PCDH15: variants seen among roughly 807,000 people sequenced by gnomAD.
PCDH15 encodes protocadherin related 15.
PCDH15 carries 129 observed loss-of-function variants against 178.5 expected under a neutral mutation model. That is an observed-to-expected ratio of 0.72 (90% CI 0.63 to 0.84). The LOEUF is 0.84. Among genes scored for constraint, PCDH15 ranks in the 40% least tolerant of loss-of-function variants. The probability of loss-of-function intolerance (pLI) is 0.00; values close to 1 mark genes in which losing one functional copy is unlikely to be tolerated. For missense variants in PCDH15, 2,230 were observed against 2,099.9 expected, an observed-to-expected ratio of 1.06 and a Z score of -1.21; for synonymous variants, 800 against 732.0, an observed-to-expected ratio of 1.09 and a Z score of -1.50.
chr10:55,043,417 A>C (rs1292317548), intron 2 of PCDH15, among the ~76,000 whole-genome samples: 1 of 152,088 alleles, frequency 6.6e-6, no homozygotes. Context: ...CAGGAAAAAC[A>C]AAATAAAACA....
chr10:54,133,842 C>A (rs539302358), intron 14 of PCDH15, among the ~76,000 whole-genome samples: 4 of 139,228 alleles, frequency 2.9e-5, no homozygotes, highest in African/African-American at 1.1e-4. Context: ...CGTGAAAAAA[C>A]ATATATATGT....
intron 2 of PCDH15, among the ~76,000 whole-genome samples, chr10:55,444,704 T>C (rs1839276502): frequency 1.3e-5 from 2 of 152,118 alleles, no homozygotes; most frequent in Admixed American, 1.3e-4. Flanking sequence ...AGCTCTGCTG[T>C]AGTAACGAAA....
At chr10:53,946,759 A>T (rs1007167231) in intron 23 of PCDH15, among the ~76,000 whole-genome samples, 22 of 152,164 alleles carry the variant, frequency 1.4e-4, no homozygotes, top group African/African-American at 7.2e-5. Flanking sequence ...CCTCATGAAG[A>T]TATAAACTAA....
chr10:54,918,986 C>T (rs899515555), intron 2 of PCDH15, among the ~76,000 whole-genome samples: 3 of 151,968 alleles, frequency 2.0e-5, no homozygotes, highest in African/African-American at 4.8e-5. Flanking sequence ...TATCATATTG[C>T]GTATCACTCA....
At chr10:55,362,414 G>C (rs1460613612) in intron 2 of PCDH15, among the ~76,000 whole-genome samples, 1 of 152,112 alleles carries the variant, frequency 6.6e-6, no homozygotes, top group Non-Finnish European at 1.5e-5. Context: ...TGTAGTGGAA[G>C]AGACAGATTT....
At chr10:54,890,514 G>C (rs554301634) in intron 3 of PCDH15, among the ~76,000 whole-genome samples, 1 of 152,078 alleles carries the variant, frequency 6.6e-6, no homozygotes, top group South Asian at 2.1e-4. Context: ...ATTTTTGCTG[G>C]TTATTATGAG....
chr10:53,999,260 T>C (rs2092005838), intron 20 of PCDH15, among the ~76,000 whole-genome samples: 1 of 152,158 alleles, frequency 6.6e-6, no homozygotes, highest in Non-Finnish European at 1.5e-5. Context: ...ATGGAGCCGA[T>C]ACCTACTTTT....
intron 15 of PCDH15, among the ~76,000 whole-genome samples, chr10:54,121,996 G>GACACAGACACACGC (rs756158522): frequency 1.0e-5 from 1 of 95,856 alleles, no homozygotes; most frequent in African/African-American, 3.6e-5. Flanking sequence ...ACCGGGCAAA[G>GACACAGACACACGC]ACACATACAC....
intron 2 of PCDH15, among the ~76,000 whole-genome samples, chr10:55,030,463 C>A (rs1320811860): frequency 6.6e-6 from 1 of 152,096 alleles, no homozygotes; most frequent in African/African-American, 2.4e-5. Context: ...CTGGATAATA[C>A]AAGGCTTAGC....
chr10:54,530,815 A>G (rs1197908139), intron 2 of PCDH15, among the ~76,000 whole-genome samples: 1 of 152,202 alleles, frequency 6.6e-6, no homozygotes, highest in African/African-American at 2.4e-5. Context: ...TTAAGACTCA[A>G]AACACAAAAT....
intron 3 of PCDH15, among the ~76,000 whole-genome samples, chr10:54,405,447 A>C (rs1390115938): frequency 2.0e-5 from 3 of 152,042 alleles, no homozygotes; most frequent in African/African-American, 4.8e-5. Flanking sequence ...AAAACCAAAT[A>C]CTGTATGTTC....
At chr10:54,823,482 C>T (rs1953080958) in intron 3 of PCDH15, among the ~76,000 whole-genome samples, 1 of 152,126 alleles carries the variant, frequency 6.6e-6, no homozygotes, top group Admixed American at 6.6e-5. Flanking sequence ...AGTTGTTTCA[C>T]ACTTACTCCA....
At chr10:54,039,831 A>G (rs1433958722) in intron 18 of PCDH15, among the ~76,000 whole-genome samples, 2 of 151,664 alleles carry the variant, frequency 1.3e-5, no homozygotes, top group African/African-American at 4.8e-5. Flanking sequence ...ATCCCTCTTT[A>G]CTCCATCTAT....
At chr10:53,811,924 G>T (rs1389228670) in intron 35 of PCDH15, among the ~76,000 whole-genome samples, 2 of 152,044 alleles carry the variant, frequency 1.3e-5, no homozygotes, top group Non-Finnish European at 2.9e-5. Flanking sequence ...ATTTTCACTT[G>T]TTTTTGGATG....
chr10:54,792,175 C>T (rs1228201939), intron 1 of PCDH15, among the ~76,000 whole-genome samples: 1 of 151,846 alleles, frequency 6.6e-6, no homozygotes, highest in Non-Finnish European at 1.5e-5. Context: ...TATCTTTACT[C>T]TAAACAAAGG....
chr10:54,017,001 A>G (rs1412812465), intron 20 of PCDH15, among the ~76,000 whole-genome samples: 1 of 152,180 alleles, frequency 6.6e-6, no homozygotes, highest in Non-Finnish European at 1.5e-5. Flanking sequence ...ACAAGAGACA[A>G]CATATGTTAA....
At chr10:53,992,027 G>A (rs973364714) in intron 21 of PCDH15, among the ~76,000 whole-genome samples, 2 of 151,950 alleles carry the variant, frequency 1.3e-5, no homozygotes, top group Non-Finnish European at 2.9e-5. Context: ...GCTGCTTACT[G>A]TTTGGGTCCA....
chr10:55,415,581 A>G (rs1407944350), intron 2 of PCDH15, among the ~76,000 whole-genome samples: 1 of 151,740 alleles, frequency 6.6e-6, no homozygotes, highest in Non-Finnish European at 1.5e-5. Flanking sequence ...AATTGTATCT[A>G]TTAACTAGCT....
At chr10:54,098,543 A>G (rs2094745254) in intron 15 of PCDH15, among the ~76,000 whole-genome samples, 1 of 152,196 alleles carries the variant, frequency 6.6e-6, no homozygotes, top group African/African-American at 2.4e-5. Context: ...TTTATTGCCC[A>G]ATACTAACTG....
Sources: allele counts gnomAD v4.1 joint callset (sites outside exome capture counted in the v4.1 genomes callset), GRCh38; gene constraint gnomAD v4.1.1; transcripts MANE v1.5; gene names NCBI Gene and HGNC (gene_info 2026-07-23, HGNC 2026-07-21).